NPSR1: variants seen among roughly 807,000 people sequenced by gnomAD.
NPSR1 encodes the protein neuropeptide S receptor 1.
NPSR1 carries 48 observed loss-of-function variants against 46.9 expected under a neutral mutation model. That is an observed-to-expected ratio of 1.02 (90% CI 0.81 to 1.30). The LOEUF (loss-of-function observed/expected upper bound fraction) is 1.30, where lower values mean the gene tolerates loss of function less well. NPSR1 is among the 50% of genes most tolerant of loss of function. The pLI is 0.00. For synonymous variants in NPSR1, 176 were observed against 168.1 expected (o/e 1.05, Z -0.36); for missense variants, 450 against 449.5 (o/e 1.00, Z -0.01).
intron 1 of NPSR1, among the ~76,000 whole-genome samples, chr7:34,680,488 T>A (rs2609212): frequency 0.14 from 20,790 of 152,140 alleles, 1,575 homozygotes; most frequent in African/African-American, 0.2. Context: ...TCATGGCATA[T>A]CCTAGTCAAG....
chr7:34,781,484 G>A (rs1215618494), intron 3 of NPSR1, among the ~76,000 whole-genome samples: 1 of 152,158 alleles, frequency 6.6e-6, no homozygotes, highest in Non-Finnish European at 1.5e-5. Context: ...GCCATGATTT[G>A]GCTAGGAACA....
chr7:34,854,882 T>A (rs1045382228), downstream of NPSR1, among the ~76,000 whole-genome samples: 29 of 152,096 alleles, frequency 1.9e-4, no homozygotes, highest in Admixed American at 3.3e-4. Flanking sequence ...GTTGACCACA[T>A]GCTAGGCCAT....
intron 3 of NPSR1, among the ~76,000 whole-genome samples, chr7:34,797,743 G>T (rs887026668): frequency 1.3e-5 from 2 of 152,128 alleles, no homozygotes; most frequent in Middle Eastern, 3.2e-3. Flanking sequence ...TATTCAAACT[G>T]CAGAAAACCA....
chr7:34,860,934 C>A (rs1029119764), intron 8 of NPSR1, among the ~76,000 whole-genome samples: 2 of 151,860 alleles, frequency 1.3e-5, no homozygotes, highest in African/African-American at 2.4e-5. Context: ...CTTTCTTTGC[C>A]AATAGACAGC....
intron 5 of NPSR1, 49 bp downstream of exon 5, chr7:34,827,651 G>GGGGGGGGGGGGGGGGC: frequency 1.6e-6 from 1 of 613,368 alleles, no homozygotes. Flanking sequence ...GGCGGGGGGG[G>GGGGGGGGGGGGGGGGC]CTTTCCTGTT....
intron 2 of NPSR1, among the ~76,000 whole-genome samples, chr7:34,738,440 T>G (rs1784785297): frequency 6.6e-6 from 1 of 152,254 alleles, no homozygotes; most frequent in Admixed American, 6.5e-5. Context: ...TAGGAATGTG[T>G]GCATTTTATT....
intron 2 of NPSR1, among the ~76,000 whole-genome samples, chr7:34,775,425 C>A (rs990499066): frequency 2.0e-5 from 3 of 152,142 alleles, no homozygotes; most frequent in African/African-American, 7.2e-5. Context: ...ATTAGTTCTT[C>A]ATTAAATGTT....
chr7:34,838,624 A>G (rs563403618), intron 6 of NPSR1, among the ~76,000 whole-genome samples: 1 of 152,320 alleles, frequency 6.6e-6, no homozygotes, highest in Non-Finnish European at 1.5e-5. Context: ...AACACTGGCT[A>G]AAAAGCTCAA....
At chr7:34,742,149 T>C (rs1784970140) in intron 2 of NPSR1, among the ~76,000 whole-genome samples, 1 of 151,662 alleles carries the variant, frequency 6.6e-6, no homozygotes, top group Admixed American at 6.6e-5. Flanking sequence ...AATTATAATG[T>C]GCTATTCTCT....
intron 1 of NPSR1, among the ~76,000 whole-genome samples, chr7:34,675,660 C>T (rs957369779): frequency 5.3e-5 from 8 of 152,180 alleles, no homozygotes; most frequent in African/African-American, 1.7e-4. Context: ...AAGCATGGCT[C>T]ATGGAGCCAC....
At chr7:34,685,631 C>A in intron 2 of NPSR1, 1 of 370,166 alleles carries the variant, frequency 2.7e-6, no homozygotes, top group Non-Finnish European at 5.2e-6. Context: ...GGTAGTGGAG[C>A]TCTTTAGAAT....
intron 2 of NPSR1, among the ~76,000 whole-genome samples, chr7:34,764,791 C>T (rs1004030957): frequency 2.0e-5 from 3 of 152,150 alleles, no homozygotes; most frequent in Middle Eastern, 3.2e-3. Context: ...ATATGCAACA[C>T]CCATCACAGA....
intron 2 of NPSR1, among the ~76,000 whole-genome samples, chr7:34,690,518 A>G (rs1171688342): frequency 6.6e-6 from 1 of 152,162 alleles, no homozygotes; most frequent in Non-Finnish European, 1.5e-5. Flanking sequence ...CAGGACATGC[A>G]AGAAGAGATA....
Position 34,811,919 on chromosome 7 carries a change from G to T in NPSR1, c.478+56G>T. The stretch of plus-strand genomic sequence containing the variant: ...AAAGAACTGTCCTTGAGTGAGGGTA[G>T]GATCATTTTCACTAATATTTTACTC... On this transcript the variant is annotated intron_variant, in intron 4 of 8. Coordinates refer to ENST00000360581, the MANE Select transcript of NPSR1 (RefSeq NM_207172.2). 3.6e-6 allele frequency: 4 copies of T among 1,112,502 alleles called. No individual in the cohort carries two copies. In the South Asian group the frequency reaches 5.3e-5, roughly 15 times the overall value. The allele number at this position is 1,112,502 out of a possible 1,614,324, so 68.9% of individuals were successfully genotyped here. A position where few individuals can be genotyped will look rare whatever the true frequency, so the allele number is the denominator to read the frequency against.
At chr7:34,813,659 A>T (rs1286002781) in intron 4 of NPSR1, among the ~76,000 whole-genome samples, 1 of 152,230 alleles carries the variant, frequency 6.6e-6, no homozygotes, top group Non-Finnish European at 1.5e-5. Flanking sequence ...GCAGAAAGAG[A>T]GAACACACAA....
At chr7:34,668,493 C>G (rs185935152) in intron 1 of NPSR1, among the ~76,000 whole-genome samples, 1 of 152,164 alleles carries the variant, frequency 6.6e-6, no homozygotes, top group Admixed American at 6.5e-5. Flanking sequence ...GTAATGAATG[C>G]AATTCTATCA....
At chr7:34,776,458 C>T (rs1408107766) in intron 2 of NPSR1, among the ~76,000 whole-genome samples, 1 of 152,146 alleles carries the variant, frequency 6.6e-6, no homozygotes, top group Admixed American at 6.5e-5. Context: ...TAGTAACCTT[C>T]TTTATCTCTT....
intron 3 of NPSR1, among the ~76,000 whole-genome samples, chr7:34,810,780 G>C (rs1788944072): frequency 6.6e-6 from 1 of 152,210 alleles, no homozygotes; most frequent in Non-Finnish European, 1.5e-5. Context: ...AAGAGGCCAA[G>C]GGAATAAGTG....
intron 2 of NPSR1, among the ~76,000 whole-genome samples, chr7:34,701,007 C>A (rs1037453609): frequency 6.6e-6 from 1 of 152,192 alleles, no homozygotes; most frequent in Non-Finnish European, 1.5e-5. Context: ...AATTTCACTG[C>A]AAACCTCTTT....
Sources: allele counts gnomAD v4.1 joint callset (sites outside exome capture counted in the v4.1 genomes callset), GRCh38; gene constraint gnomAD v4.1.1; transcripts MANE v1.5; gene names NCBI Gene and HGNC (gene_info 2026-07-23, HGNC 2026-07-21).